Variants in SNAP91 observed in about 807,000 individuals in gnomAD.
The protein encoded by SNAP91 is synaptosome associated protein 91, also known as clathrin coat assembly protein AP180.
In SNAP91, 27 loss-of-function variants were observed where a neutral mutation model predicts 100.3. That is an observed-to-expected ratio of 0.27 (90% CI 0.20 to 0.37). The LOEUF (loss-of-function observed/expected upper bound fraction) is 0.37, where lower values mean the gene tolerates loss of function less well. Among genes scored for constraint, SNAP91 ranks in the 10% least tolerant of loss-of-function variants. The probability of loss-of-function intolerance (pLI) is 1.00; values close to 1 mark genes in which losing one functional copy is unlikely to be tolerated. For synonymous variants in SNAP91, 404 were observed against 398.6 expected (o/e 1.01, Z -0.16); for missense variants, 986 against 1,123.7 (o/e 0.88, Z 1.75).
intron 2 of SNAP91, among the ~76,000 whole-genome samples, chr6:83,685,231 C>T (rs922019281): frequency 6.6e-6 from 1 of 152,134 alleles, no homozygotes; most frequent in African/African-American, 2.4e-5. Flanking sequence ...GGGAAAACTC[C>T]CTCTGTGCCA....
chr6:83,635,161 T>C (rs1306955873), intron 8 of SNAP91, among the ~76,000 whole-genome samples: 1 of 152,142 alleles, frequency 6.6e-6, no homozygotes, highest in Non-Finnish European at 1.5e-5. Flanking sequence ...GTCCAATTGG[T>C]CTAGTGTCAA....
intron 8 of SNAP91, among the ~76,000 whole-genome samples, chr6:83,632,295 A>G (rs1266861448): frequency 6.6e-6 from 1 of 152,032 alleles, no homozygotes; most frequent in Non-Finnish European, 1.5e-5. Flanking sequence ...AGGTTACCTG[A>G]TGCTTCTGTC....
intron 7 of SNAP91, among the ~76,000 whole-genome samples, chr6:83,647,566 C>T (rs1007083611): frequency 6.6e-6 from 1 of 152,070 alleles, no homozygotes; most frequent in African/African-American, 2.4e-5. Context: ...TCTTTTTATA[C>T]ATTGTTGGAT....
At chr6:83,565,246 C>A (rs943991829) in intron 26 of SNAP91, among the ~76,000 whole-genome samples, 5 of 151,990 alleles carry the variant, frequency 3.3e-5, no homozygotes, top group Non-Finnish European at 7.4e-5. Context: ...TATTTCTCCT[C>A]CCCTCTCTAT....
chr6:83,639,112 A>G (rs999398769), intron 8 of SNAP91, among the ~76,000 whole-genome samples: 1 of 152,202 alleles, frequency 6.6e-6, no homozygotes, highest in Non-Finnish European at 1.5e-5. Context: ...TACTGTTACT[A>G]TTTCCCAAAT....
At chr6:83,577,621 C>A (rs1257125265) in intron 24 of SNAP91, among the ~76,000 whole-genome samples, 1 of 152,066 alleles carries the variant, frequency 6.6e-6, no homozygotes. Context: ...GATTAGCATG[C>A]AGGAGATTTA....
chr6:83,655,247 A>G (rs749113607), intron 7 of SNAP91, among the ~76,000 whole-genome samples: 9 of 152,196 alleles, frequency 5.9e-5, no homozygotes, highest in Non-Finnish European at 1.3e-4. Flanking sequence ...TTGTAACTAA[A>G]AAGAGGCAGA....
chr6:83,560,909 A>T lies in SNAP91; in HGVS notation c.2481T>A (p.Val827=). The stretch of plus-strand genomic sequence containing the variant: ...GTTGTCCAACCGATGGGGCCCCGGC[A>T]ACAGGAGGAACTGAACTGGTTGGAG... ...AVPPTSSVPP[V]AGAPSVGQPG... Residue 827 remains valine (V), a synonymous_variant, in exon 27 of 30, where the codon GTT becomes GTA. Coordinates refer to ENST00000369694, the MANE Select transcript of SNAP91 (RefSeq NM_001242792.2). The T allele has an allele frequency of 1.2e-6, 2 of 1,613,780 alleles. No individual in the cohort carries two copies. The highest frequency in any genetic ancestry group is 1.7e-6 in the Non-Finnish European group (2 of 1,179,810).
chr6:83,553,790 T>C lies in SNAP91; in HGVS notation c.*506A>G, dbSNP rs1300011906. 1 of 152,176 alleles carries C rather than the reference T, an allele frequency of 6.6e-6. No individual in the cohort carries two copies. The highest frequency in any genetic ancestry group is 1.5e-5 in the Non-Finnish European group (1 of 68,036). The allele number at this position is 152,176 out of a possible 1,614,324, so 9.4% of individuals were successfully genotyped here. On this transcript the variant is annotated 3_prime_UTR_variant, in exon 30 of 30. Transcript: ENST00000369694. ...TGAAGTTCCTGTGATTGGAAAAATGTACTCCACACTGAAAAAGTTTTGTAT... is the reference window on the plus strand; with the variant it reads ...TGAAGTTCCTGTGATTGGAAAAATGCACTCCACACTGAAAAAGTTTTGTAT...
intron 2 of SNAP91, among the ~76,000 whole-genome samples, chr6:83,688,415 T>C (rs2099088683): frequency 6.6e-6 from 1 of 152,178 alleles, no homozygotes; most frequent in South Asian, 2.1e-4. Context: ...CCTTCCTTTC[T>C]TTTTACTGTA....
chr6:83,637,690 G>C (rs1293377648), intron 8 of SNAP91, among the ~76,000 whole-genome samples: 2 of 152,234 alleles, frequency 1.3e-5, no homozygotes, highest in South Asian at 2.1e-4. Context: ...ACCCTTCTCA[G>C]ATGGGTCTTG....
At chr6:83,695,908 C>T (rs979810437) in intron 2 of SNAP91, among the ~76,000 whole-genome samples, 4 of 142,878 alleles carry the variant, frequency 2.8e-5, no homozygotes, top group Non-Finnish European at 6.0e-5. Flanking sequence ...TTAAGCAACT[C>T]CTTTGGAACA....
At chr6:83,706,289 T>C (rs2099383256) in intron 2 of SNAP91, among the ~76,000 whole-genome samples, 1 of 152,224 alleles carries the variant, frequency 6.6e-6, no homozygotes, top group Non-Finnish European at 1.5e-5. Flanking sequence ...AAGACATGAA[T>C]CATTCTTCCA....
At chr6:83,707,738 C>G in intron 2 of SNAP91, 60 bp downstream of exon 2, 24 of 1,599,354 alleles carry the variant, frequency 1.5e-5, no homozygotes, top group Non-Finnish European at 2.0e-5. Flanking sequence ...CAGGCCGCAC[C>G]ACCAGCATCC....
At chr6:83,691,579 T>C (rs147587536) in intron 2 of SNAP91, among the ~76,000 whole-genome samples, 85 of 152,286 alleles carry the variant, frequency 5.6e-4, no homozygotes, top group African/African-American at 2.0e-3. Context: ...TAGTGCTCAA[T>C]GCAAATATAT....
chr6:83,615,380 T>C (rs1248307406), intron 10 of SNAP91, among the ~76,000 whole-genome samples: 2 of 152,184 alleles, frequency 1.3e-5, no homozygotes, highest in Admixed American at 1.3e-4. Flanking sequence ...GATGTACATA[T>C]TTCCTTAGCT....
chr6:83,666,346 G>T (rs1347987128), intron 2 of SNAP91, among the ~76,000 whole-genome samples: 2 of 152,024 alleles, frequency 1.3e-5, no homozygotes, highest in Non-Finnish European at 2.9e-5. Flanking sequence ...ATGTGCTAAG[G>T]AACAGAAGCT....
chr6:83,555,561 G>T (rs1583553812), intron 29 of SNAP91, among the ~76,000 whole-genome samples: 1 of 152,142 alleles, frequency 6.6e-6, no homozygotes, highest in African/African-American at 2.4e-5. Context: ...TTAGGTGCTG[G>T]GGTCAACAGT....
Position 83,654,442 on chromosome 6 carries a change from T to A in SNAP91, c.658+2312A>T, listed in dbSNP as rs140650176. Reference sequence around the variant, plus strand: ...GGAACTGGAAACCGGAAGTCAGATTTACCTACCCAGACTTTTCAAGGACAC... The same window carrying A: ...GGAACTGGAAACCGGAAGTCAGATTAACCTACCCAGACTTTTCAAGGACAC... On this transcript the variant is annotated intron_variant, in intron 7 of 29. Transcript: ENST00000369694. Among the ~76,000 whole-genome samples the A allele has an allele frequency of 4.1e-3, 629 of 152,276 alleles. 5 individuals are homozygous for A. Among genetic ancestry groups the A allele is most frequent in the African/African-American group, 0.015 (605 of 41,562 alleles).
Sources: gnomAD v4.1 joint callset for allele counts (sites outside exome capture counted in the v4.1 genomes callset) on GRCh38, gnomAD v4.1.1 for gene constraint, MANE v1.5 for transcripts, NCBI Gene and HGNC (gene_info 2026-07-23, HGNC 2026-07-21) for gene names.